Variants in COL11A2 observed in about 807,000 individuals in gnomAD.
COL11A2 encodes the protein collagen alpha-2(XI) chain.
A neutral mutation model predicts 273.4 loss-of-function variants in COL11A2; 116 were observed. The ratio of observed to expected loss-of-function variants is 0.42; its 90% confidence interval spans 0.36 to 0.49. COL11A2 has a LOEUF of 0.49. COL11A2 is among the 20% of genes least tolerant of loss of function. COL11A2 has a pLI of 0.00. For synonymous variants in COL11A2, 782 were observed against 864.2 expected (o/e 0.90, Z 1.67); for missense variants, 1,866 against 2,309.0 (o/e 0.81, Z 3.93).
Position 33,178,915 on chromosome 6 carries a change from G to T in COL11A2, c.1665+5C>A. ...AGGCTTCAGGGAGGGGCCCAAGCCT[G>T]TTACCTTCACTCCAGGATCTCCAGG... On this transcript the variant is annotated splice_donor_5th_base_variant and intron_variant, in intron 17 of 65. Coordinates refer to ENST00000341947, the MANE Select transcript of COL11A2 (RefSeq NM_080680.3). This position sits in a 1 kb window ranked among gnomAD's most constrained non-coding sequence, Gnocchi z 4.6. The T allele has an allele frequency of 6.2e-7, 1 of 1,613,916 alleles. No individual in the cohort carries two copies. The highest frequency in any genetic ancestry group is 8.5e-7 in the Non-Finnish European group (1 of 1,179,970).
At position 33,178,748 on chromosome 6, in the gene COL11A2, A is replaced by C; in HGVS notation, c.1666-16T>G. On this transcript the variant is annotated splice_polypyrimidine_tract_variant and intron_variant, in intron 17 of 65. Transcript: ENST00000341947. This position sits in a 1 kb window ranked among gnomAD's most constrained non-coding sequence, Gnocchi z 4.6. Reference sequence around the variant, plus strand: ...CTCGGTCACCCTAGGAGGAGGAAGGATAGCCAGAGTGAGGACACGACCCTG... The same window carrying C: ...CTCGGTCACCCTAGGAGGAGGAAGGCTAGCCAGAGTGAGGACACGACCCTG... 1 of 1,612,764 alleles carries C rather than the reference A, an allele frequency of 6.2e-7. No homozygotes were observed. Among genetic ancestry groups the C allele is most frequent in the African/African-American group, 1.3e-5 (1 of 74,966 alleles).
rs958725948 is a variant in COL11A2 at position 33,164,834 on chromosome 6, C to T, written c.4863+18G>A. 12 of 1,546,892 alleles carry T rather than the reference C, an allele frequency of 7.8e-6. No homozygotes were observed. In the East Asian group the frequency reaches 1.2e-4, roughly 16 times the overall value. On this transcript the variant is annotated intron_variant, in intron 64 of 65. Coordinates refer to ENST00000341947, the MANE Select transcript of COL11A2 (RefSeq NM_080680.3). This position sits in a 1 kb window ranked among gnomAD's most constrained non-coding sequence, Gnocchi z 4.7. Reference sequence around the variant, plus strand: ...GCACTATGGGGCAGGGGAGGGGCAGCGAGGGGCCAGCTCTCACCTGCGTGA... The same window carrying T: ...GCACTATGGGGCAGGGGAGGGGCAGTGAGGGGCCAGCTCTCACCTGCGTGA...
At position 33,186,710 on chromosome 6, in the gene COL11A2, G is replaced by C. The variant is rs1414317922; in HGVS notation, c.715C>G (p.Gln239Glu). The change falls in exon 5 of 66, where the codon CAA becomes GAA. Residue 239 changes from glutamine (Q) to glutamate (E), a missense_variant. Gln to Glu is a conservative substitution (Grantham distance 29). Coordinates refer to ENST00000341947, the MANE Select transcript of COL11A2 (RefSeq NM_080680.3). Reference protein sequence around the residue: ...EGGQRERPQNQQPHRAQRSPQ... With the variant: ...EGGQRERPQNEQPHRAQRSPQ... Reference sequence around the variant, plus strand: ...GATCTCTGGGCTCTGTGAGGCTGTTGGTTTTGGGGTCTTTCCCTCTGGCCC... The same window carrying C: ...GATCTCTGGGCTCTGTGAGGCTGTTCGTTTTGGGGTCTTTCCCTCTGGCCC... The C allele has an allele frequency of 6.2e-7, 1 of 1,610,932 alleles. No individual in the cohort carries two copies. The highest frequency in any genetic ancestry group is 8.5e-7 in the Non-Finnish European group (1 of 1,178,850).
Position 33,173,834 on chromosome 6 carries a change from T to C in COL11A2, c.2583+39A>G. 1 of 1,612,808 alleles carries C rather than the reference T, an allele frequency of 6.2e-7. No individual in the cohort carries two copies. Among genetic ancestry groups the C allele is most frequent in the Non-Finnish European group, 8.5e-7 (1 of 1,179,014 alleles). ...ATGTTGAGGGAGAGCTGGGGCTGAG[T>C]GGGCAGGGGGCAGTTGGAGCCTTGT... On this transcript the variant is annotated intron_variant, in intron 34 of 65. Coordinates refer to ENST00000341947, the MANE Select transcript of COL11A2 (RefSeq NM_080680.3). This position sits in a 1 kb window ranked among gnomAD's most constrained non-coding sequence, Gnocchi z 6.3.
In COL11A2 at chr6:33,192,261, G is replaced by A; in HGVS notation, c.-21C>T. Reference sequence around the variant, plus strand: ...TCCATGGCTGAGAAGCCGAAACGCCGGGTCCCAGGGACCCAGGTCGGCCTG... The same window carrying A: ...TCCATGGCTGAGAAGCCGAAACGCCAGGTCCCAGGGACCCAGGTCGGCCTG... On this transcript the variant is annotated 5_prime_UTR_variant, in exon 1 of 66. Transcript: ENST00000341947. 2 of 1,550,922 alleles carry A rather than the reference G, an allele frequency of 1.3e-6. No individual in the cohort carries two copies. The highest frequency in any genetic ancestry group is 1.7e-6 in the Non-Finnish European group (2 of 1,147,530).
At position 33,173,378 on chromosome 6, in the gene COL11A2, C is replaced by A. The variant is rs1220532488; in HGVS notation, c.2706G>T (p.Leu902=). 2 of 1,612,978 alleles carry A rather than the reference C, an allele frequency of 1.2e-6. No individual in the cohort carries two copies. The highest frequency in any genetic ancestry group is 8.5e-7 in the Non-Finnish European group (1 of 1,179,960). The change falls in exon 37 of 66, where the codon CTG becomes CTT. Residue 902 remains leucine (L), a synonymous_variant. Coordinates refer to ENST00000341947, the MANE Select transcript of COL11A2 (RefSeq NM_080680.3). This position sits in a 1 kb window ranked among gnomAD's most constrained non-coding sequence, Gnocchi z 6.3. ...CTCCTCTTTGGCCTGGGTGTCCCGG[C>A]AGCCCATCCTTCCCAGGGGGGCCCT... ...GPPGPPGKDG[L]PGHPGQRGEV...
In COL11A2 at chr6:33,177,254, G is replaced by A; in HGVS notation, c.1972-29C>T. On this transcript the variant is annotated intron_variant, in intron 23 of 65. Transcript: ENST00000341947. The surrounding 1 kb of genome is among the most constrained non-coding windows in gnomAD (Gnocchi z 5.9). Reference sequence around the variant, plus strand: ...CATACAGGGAAAGAGAAGTCACAGGGGCCTCCCAGGGTCTCTTCTATCCAG... The same window carrying A: ...CATACAGGGAAAGAGAAGTCACAGGAGCCTCCCAGGGTCTCTTCTATCCAG... The A allele has an allele frequency of 6.2e-7, 1 of 1,612,860 alleles. No individual in the cohort carries two copies. Among genetic ancestry groups the A allele is most frequent in the Non-Finnish European group, 8.5e-7 (1 of 1,179,908 alleles).
rs761764260 is a variant in COL11A2, at chr6:33,164,407, T to TG, written c.4929dup (p.Ser1644GlnfsTer18). On this transcript the variant is annotated frameshift_variant, in exon 65 of 66. Coordinates refer to ENST00000341947, the MANE Select transcript of COL11A2 (RefSeq NM_080680.3). LOFTEE classifies it high-confidence loss of function. This position sits in a 1 kb window ranked among gnomAD's most constrained non-coding sequence, Gnocchi z 4.7. Reference sequence around the variant, plus strand: ...GAGACGTCCTGGTGGGCTGAGACGCTGAGCAGCCGCAGGAAGGTGAGCTGG... The same window carrying TG: ...GAGACGTCCTGGTGGGCTGAGACGCTGGAGCAGCCGCAGGAAGGTGAGCTGG... 1.9e-6 allele frequency: 3 copies of TG among 1,601,580 alleles called. No individual in the cohort carries two copies. The highest frequency in any genetic ancestry group is 2.6e-6 in the Non-Finnish European group (3 of 1,174,796).
chr6:33,181,371 C>A (rs1386428682), intron 8 of COL11A2, among the ~76,000 whole-genome samples: 22 of 71,736 alleles, frequency 3.1e-4, no homozygotes, highest in Non-Finnish European at 6.8e-4. Context: ...GGTTCCCTGC[C>A]CCCCCAGTTC....
intron 10 of COL11A2, 25 bp from the exon 11 acceptor site, chr6:33,180,755 A>G (rs1771624250): frequency 8.1e-6 from 13 of 1,608,564 alleles, no homozygotes; most frequent in Non-Finnish European, 1.1e-5. Context: ...AGTAGGGGTC[A>G]GGTGTGGGCA....
Position 33,162,832 on chromosome 6 carries a change from CA to C in COL11A2, c.*845del, listed in dbSNP as rs1394727980. 2 of 154,764 alleles carry C rather than the reference CA, an allele frequency of 1.3e-5. No individual in the cohort carries two copies. Among genetic ancestry groups the C allele is most frequent in the Non-Finnish European group, 2.9e-5 (2 of 68,228 alleles). 9.6% of individuals were successfully genotyped at this position (154,764 alleles called of 1,614,324 possible). On this transcript the variant is annotated 3_prime_UTR_variant, in exon 66 of 66. Transcript: ENST00000341947. The surrounding 1 kb of genome is among the most constrained non-coding windows in gnomAD (Gnocchi z 4.9). ...AAGTGAGGGGTGCCCAGGGGAGGGA[CA>C]GGGGTGGCAATGAACATACTCAGTG...
At position 33,186,781 on chromosome 6, in the gene COL11A2, T is replaced by C; in HGVS notation, c.644A>G (p.Gln215Arg). 1 of 1,614,116 alleles carries C rather than the reference T, an allele frequency of 6.2e-7. No homozygotes were observed. Among genetic ancestry groups the C allele is most frequent in the Non-Finnish European group, 8.5e-7 (1 of 1,180,020 alleles). Residue 215 changes from glutamine (Q) to arginine (R), a missense_variant, in exon 5 of 66, where the codon CAG becomes CGG. By Grantham distance (43) the Gln-to-Arg change is conservative. Transcript: ENST00000341947. ...VQELAIVPGV[Q>R]AAYESCEQKE... ...CTGTTCACATGATTCATAGGCTGCC[T>C]GGACCCCTGGGACAATGGCCAGCTC...
At chr6:33,183,033 C>T (rs1771923952) in intron 8 of COL11A2, among the ~76,000 whole-genome samples, 1 of 152,092 alleles carries the variant, frequency 6.6e-6, no homozygotes, top group Non-Finnish European at 1.5e-5. Context: ...GCAGTAGAAG[C>T]TCAAGGGAGG....
At chr6:33,171,881 C>A (rs541504296) in intron 41 of COL11A2, 61 bp from the exon 42 acceptor site, 3 of 1,589,720 alleles carry the variant, frequency 1.9e-6, no homozygotes, top group Non-Finnish European at 2.6e-6. Flanking sequence ...TACCAGAGAA[C>A]CTCAGACCAC....
chr6:33,174,122 C>T (rs780353241), intron 32 of COL11A2, 43 bp downstream of exon 32: 4 of 1,609,474 alleles, frequency 2.5e-6, no homozygotes, highest in Non-Finnish European at 3.4e-6. Context: ...CTCTACACCT[C>T]TCCAGCCCTT....
intron 5 of COL11A2, 74 bp from the exon 6 acceptor site, chr6:33,185,852 G>A: frequency 1.9e-6 from 1 of 514,532 alleles, no homozygotes; most frequent in Non-Finnish European, 3.9e-6. Context: ...GGCGGGAGAG[G>A]GAGATATAAA....
In COL11A2 at chr6:33,174,545, A is replaced by G. The variant is rs1770638548; in HGVS notation, c.2412T>C (p.Pro804=). ...KLGVPGLPGY[P]GRQGPKGSLG... ...GCATCACCTTGGGTCCCTGACGTCC[A>G]GGATAGCCAGGCAGACCAGGAACAC... The change falls in exon 31 of 66, where the codon CCT becomes CCC. Residue 804 remains proline (P), a synonymous_variant. Transcript: ENST00000341947. The G allele has an allele frequency of 1.2e-6, 2 of 1,612,696 alleles. No homozygotes were observed. The highest frequency in any genetic ancestry group is 1.7e-6 in the Non-Finnish European group (2 of 1,179,938).
In COL11A2 at chr6:33,164,812, C is replaced by T. The variant is rs771099850; in HGVS notation, c.4863+40G>A. ...AACCACTAAGCCCTGAGGGGGTGCA[C>T]TATGGGGCAGGGGAGGGGCAGCGAG... On this transcript the variant is annotated intron_variant, in intron 64 of 65. Coordinates refer to ENST00000341947, the MANE Select transcript of COL11A2 (RefSeq NM_080680.3). This position sits in a 1 kb window ranked among gnomAD's most constrained non-coding sequence, Gnocchi z 4.7. 2 of 1,523,524 alleles carry T rather than the reference C, an allele frequency of 1.3e-6. No homozygotes were observed. The highest frequency in any genetic ancestry group is 2.4e-5 in the South Asian group (2 of 83,086). 94.4% of individuals were successfully genotyped at this position (1,523,524 alleles called of 1,614,324 possible).
In COL11A2 at chr6:33,177,113, A is replaced by G; in HGVS notation, c.2016+68T>C. 2 of 1,612,594 alleles carry G rather than the reference A, an allele frequency of 1.2e-6. No homozygotes were observed. Among genetic ancestry groups the G allele is most frequent in the Non-Finnish European group, 1.7e-6 (2 of 1,179,712 alleles). On this transcript the variant is annotated intron_variant, in intron 24 of 65. Transcript: ENST00000341947. The surrounding 1 kb of genome is among the most constrained non-coding windows in gnomAD (Gnocchi z 5.9). Reference sequence around the variant, plus strand: ...GTCTGGACACAGACAAAATCCCAGCAGACATTTAGGGTTCTCCCTACATCC... The same window carrying G: ...GTCTGGACACAGACAAAATCCCAGCGGACATTTAGGGTTCTCCCTACATCC...
Sources: gnomAD v4.1 joint callset for allele counts (sites outside exome capture counted in the v4.1 genomes callset) on GRCh38, gnomAD v4.1.1 for gene constraint, Gnocchi (gnomAD v3.1) non-coding constraint, MANE v1.5 for transcripts, NCBI Gene and HGNC (gene_info 2026-07-23, HGNC 2026-07-21) for gene names.